The following DUSP19 variants were observed in gnomAD, a reference collection of about 807,000 sequenced individuals.
DUSP19 encodes the protein dual specificity protein phosphatase 19.
In DUSP19, 14 loss-of-function variants were observed where a neutral mutation model predicts 16.6. That is an observed-to-expected ratio of 0.84 (90% CI 0.56 to 1.32). The LOEUF (loss-of-function observed/expected upper bound fraction) is 1.32. Ranked by LOEUF, DUSP19 falls within the 40% of genes most tolerant of loss-of-function variation. DUSP19 has a pLI of 0.00. For missense variants in DUSP19, 258 were observed against 255.9 expected, an observed-to-expected ratio of 1.01 and a Z score of -0.06; for synonymous variants, 81 against 90.5, an observed-to-expected ratio of 0.90 and a Z score of 0.59.
At chr2:183,079,916 C>CAGCTAAGGCTGCATTCTTGAATAG (rs1269542131) in intron 1 of DUSP19, among the ~76,000 whole-genome samples, 4 of 152,208 alleles carry the variant, frequency 2.6e-5, no homozygotes, top group Non-Finnish European at 4.4e-5. Context: ...TATCACTATG[C>CAGCTAAGGCTGCATTCTTGAATAG]AGCTAAGGCA....
At chr2:183,083,319 G>A in intron 1 of DUSP19, 189 bp from the exon 2 acceptor site, 1 of 479,882 alleles carries the variant, frequency 2.1e-6, no homozygotes, top group South Asian at 5.4e-5. Flanking sequence ...CAAATTTTTA[G>A]AAGTAGGATT....
At position 183,098,820 on chromosome 2, in the gene DUSP19, G is replaced by C. The variant is rs1186415786; in HGVS notation, c.*3162G>C. The stretch of plus-strand genomic sequence containing the variant: ...ATTTTATGCCTTAAAATAGGTTTCT[G>C]ATTACATAAAATTTGAATAGAACAC... On this transcript the variant is annotated 3_prime_UTR_variant, in exon 4 of 4. Coordinates refer to ENST00000354221, the MANE Select transcript of DUSP19 (RefSeq NM_080876.4). 1.3e-5 allele frequency: 2 copies of C among 152,048 alleles called. No individual in the cohort carries two copies. Among genetic ancestry groups the C allele is most frequent in the African/African-American group, 2.4e-5 (1 of 41,422 alleles). 9.4% of individuals were successfully genotyped at this position (152,048 alleles called of 1,614,324 possible). A position where few individuals can be genotyped will look rare whatever the true frequency, so the allele number is the denominator to read the frequency against.
intron 1 of DUSP19, 116 bp downstream of exon 1, chr2:183,079,275 C>T (rs1699561463): frequency 1.9e-6 from 2 of 1,058,230 alleles, no homozygotes; most frequent in African/African-American, 3.2e-5. Context: ...AAAAGCTGAA[C>T]TGTTTCCTTT....
In DUSP19 at chr2:183,095,491, G is replaced by A; in HGVS notation, c.487G>A (p.Gly163Ser). Residue 163 changes from glycine (G) to serine (S), a missense_variant, in exon 4 of 4, where the codon GGT becomes AGT. Gly to Ser is a moderately conservative substitution (Grantham distance 56). Transcript: ENST00000354221. ...GVSRAAAIVI[G>S]FLMNSEQTSF... ...TTCCAGGGCTGCTGCAATTGTAATA[G>A]GTTTCCTGATGAATTCTGAACAAAC... 6.2e-7 allele frequency: 1 copy of A among 1,611,460 alleles called. No homozygotes were observed. Among genetic ancestry groups the A allele is most frequent in the East Asian group, 2.2e-5 (1 of 44,612 alleles).
intron 3 of DUSP19, among the ~76,000 whole-genome samples, chr2:183,091,467 T>C (rs1397564241): frequency 1.3e-5 from 2 of 152,286 alleles, no homozygotes; most frequent in South Asian, 2.1e-4. Context: ...TGGGTCCAAA[T>C]ACCCACTAGA....
rs1248024688 is a variant in DUSP19 at position 183,099,376 on chromosome 2, T to G, written c.*3718T>G. On this transcript the variant is annotated 3_prime_UTR_variant, in exon 4 of 4. Transcript: ENST00000354221. ...TCTGCCTGAAGGATCCTGAACATAT[T>G]TAGTTACCCTGTAGTTATTTAGGAA... 1 of 152,226 alleles carries G rather than the reference T, an allele frequency of 6.6e-6. No homozygotes were observed. The highest frequency in any genetic ancestry group is 1.5e-5 in the Non-Finnish European group (1 of 68,038). The allele number at this position is 152,226 out of a possible 1,614,324, so 9.4% of individuals were successfully genotyped here. A position where few individuals can be genotyped will look rare whatever the true frequency, so the allele number is the denominator to read the frequency against.
chr2:183,095,531 C>T lies in DUSP19; in HGVS notation c.527C>T (p.Ala176Val). 6.2e-7 allele frequency: 1 copy of T among 1,613,840 alleles called. No homozygotes were observed. Among genetic ancestry groups the T allele is most frequent in the South Asian group, 1.1e-5 (1 of 91,074 alleles). Reference protein sequence around the residue: ...MNSEQTSFTSAFSLVKNARPS... With the variant: ...MNSEQTSFTSVFSLVKNARPS... ...TCTGAACAAACCTCATTTACCAGTG[C>T]TTTTTCTTTGGTGAAAAATGCAAGA... is the stretch of plus-strand genomic sequence containing the variant. Residue 176 changes from alanine to valine, a missense_variant, in exon 4 of 4, where the codon GCT becomes GTT. Physicochemically the swap from Ala to Val is moderately conservative, Grantham distance 64. Coordinates refer to ENST00000354221, the MANE Select transcript of DUSP19 (RefSeq NM_080876.4).
At chr2:183,089,391 G>A (rs1489342283) in intron 3 of DUSP19, among the ~76,000 whole-genome samples, 2 of 152,148 alleles carry the variant, frequency 1.3e-5, no homozygotes, top group Non-Finnish European at 2.9e-5. Context: ...GTCAGCTCCT[G>A]TTTCCCATTG....
chr2:183,085,505 G>A (rs780121926), intron 2 of DUSP19, among the ~76,000 whole-genome samples: 7 of 152,014 alleles, frequency 4.6e-5, no homozygotes, highest in East Asian at 1.9e-4. Context: ...TTGTTAGTGC[G>A]TTTGGTGGAA....
At chr2:183,088,474 C>G (rs571325487) in intron 3 of DUSP19, among the ~76,000 whole-genome samples, 2 of 125,086 alleles carry the variant, frequency 1.6e-5, no homozygotes, top group Non-Finnish European at 3.3e-5. Context: ...AGTGTGATCT[C>G]GGTGCACTGT....
chr2:183,082,118 C>A (rs748172986), intron 1 of DUSP19, among the ~76,000 whole-genome samples: 1 of 152,310 alleles, frequency 6.6e-6, no homozygotes, highest in East Asian at 1.9e-4. Context: ...ATCCTGCAGA[C>A]CAACAGCATT....
intron 1 of DUSP19, among the ~76,000 whole-genome samples, chr2:183,080,923 G>A (rs1221085517): frequency 6.6e-6 from 1 of 152,196 alleles, no homozygotes; most frequent in Admixed American, 6.5e-5. Flanking sequence ...CATGAATGTT[G>A]AAAGAGTTGT....
intron 3 of DUSP19, among the ~76,000 whole-genome samples, chr2:183,091,286 G>T (rs573111029): frequency 1.1e-4 from 17 of 152,134 alleles, no homozygotes; most frequent in African/African-American, 4.1e-4. Context: ...ACTGCAAGTT[G>T]TCCAGGTTCT....
In DUSP19 at chr2:183,078,824, G is replaced by A. The variant is rs2105493399; in HGVS notation, c.-110G>A. 3.2e-6 allele frequency: 3 copies of A among 924,216 alleles called. No homozygotes were observed. The highest frequency in any genetic ancestry group is 2.6e-5 in the East Asian group (1 of 37,962). The allele number at this position is 924,216 out of a possible 1,614,324, so 57.3% of individuals were successfully genotyped here. On this transcript the variant is annotated 5_prime_UTR_variant, in exon 1 of 4. Coordinates refer to ENST00000354221, the MANE Select transcript of DUSP19 (RefSeq NM_080876.4). Reference sequence around the variant, plus strand: ...GGCTGCTGCGGTTACCTGGATGGGCGAGCACCTCTGAGGCTGGCTTTGTTA... The same window carrying A: ...GGCTGCTGCGGTTACCTGGATGGGCAAGCACCTCTGAGGCTGGCTTTGTTA...
intron 3 of DUSP19, among the ~76,000 whole-genome samples, chr2:183,091,298 G>A: frequency 6.6e-6 from 1 of 152,034 alleles, no homozygotes; most frequent in Non-Finnish European, 1.5e-5. Flanking sequence ...CCAGGTTCTT[G>A]GCATTTTGAA....
At chr2:183,081,489 T>G (rs1331180215) in intron 1 of DUSP19, among the ~76,000 whole-genome samples, 1 of 152,194 alleles carries the variant, frequency 6.6e-6, no homozygotes, top group Non-Finnish European at 1.5e-5. Context: ...TTGAGCAGTC[T>G]GCCCGCCTTG....
intron 2 of DUSP19, 90 bp downstream of exon 2, chr2:183,083,644 A>G: frequency 9.1e-7 from 1 of 1,095,622 alleles, no homozygotes; most frequent in Non-Finnish European, 1.3e-6. Context: ...TCTTTGGTAT[A>G]TTATGGAGTT....
chr2:183,094,080 T>C (rs886216711), intron 3 of DUSP19, among the ~76,000 whole-genome samples: 4 of 152,146 alleles, frequency 2.6e-5, no homozygotes, highest in African/African-American at 9.7e-5. Context: ...TAAATATCTA[T>C]AGAAAAGAGT....
chr2:183,084,406 G>A (rs866809089), intron 2 of DUSP19, among the ~76,000 whole-genome samples: 5 of 150,042 alleles, frequency 3.3e-5, no homozygotes, highest in South Asian at 2.1e-4. Context: ...CAGACTGGGC[G>A]ACAAAGCAAG....
Sources: gnomAD v4.1 joint callset for allele counts (sites outside exome capture counted in the v4.1 genomes callset) on GRCh38, gnomAD v4.1.1 for gene constraint, MANE v1.5 for transcripts, NCBI Gene and HGNC (gene_info 2026-07-23, HGNC 2026-07-21) for gene names.